ORC2: variants seen among roughly 807,000 people sequenced by gnomAD.
ORC2 encodes the protein origin recognition complex protein 2 homolog.
Under a neutral mutation model 77.7 loss-of-function variants are expected in ORC2, and 37 were observed. That is an observed-to-expected ratio of 0.48 (90% CI 0.37 to 0.63). ORC2 has a LOEUF of 0.63. Among genes scored for constraint, ORC2 ranks in the 20% least tolerant of loss-of-function variants. The pLI is 0.00. For synonymous variants in ORC2, 201 were observed against 229.5 expected (o/e 0.88, Z 1.12); for missense variants, 557 against 661.9 (o/e 0.84, Z 1.74).
At chr2:200,917,023 C>A (rs2040667440) in intron 15 of ORC2, among the ~76,000 whole-genome samples, 1 of 128,268 alleles carries the variant, frequency 7.8e-6, no homozygotes, top group South Asian at 2.4e-4. Flanking sequence ...GAGACAGAGT[C>A]TCACTCTGTT....
chr2:200,932,164 T>C (rs905665958), intron 10 of ORC2, among the ~76,000 whole-genome samples: 7 of 151,926 alleles, frequency 4.6e-5, no homozygotes, highest in Admixed American at 3.3e-4. Flanking sequence ...AATTGTTAAG[T>C]AGGTAGTTAA....
chr2:200,935,331 C>A (rs1423266845), intron 9 of ORC2, among the ~76,000 whole-genome samples: 1 of 152,146 alleles, frequency 6.6e-6, no homozygotes, highest in Non-Finnish European at 1.5e-5. Context: ...CCATGTTGGC[C>A]AGGCTGGTCT....
At position 200,942,734 on chromosome 2, in the gene ORC2, A is replaced by G. The variant is rs750425459; in HGVS notation, c.372T>C (p.Ser124=). 4 of 1,610,768 alleles carry G rather than the reference A, an allele frequency of 2.5e-6. No individual in the cohort carries two copies. The South Asian group carries it at 4.4e-5, about 18-fold the overall frequency. ...AKTPQKSVSF[S]LKNDPEITIN... ...TCGTAATCTCAGGATCATTCTTCAA[A>G]CTGAATGAAACACTTTTTTGTGGTG... The change falls in exon 6 of 18, where the codon AGT becomes AGC. Residue 124 remains serine, a synonymous_variant. Coordinates refer to ENST00000234296, the MANE Select transcript of ORC2 (RefSeq NM_006190.5).
intron 17 of ORC2, 130 bp downstream of exon 17, chr2:200,913,165 C>G: frequency 1.7e-6 from 1 of 601,104 alleles, no homozygotes; most frequent in Non-Finnish European, 2.7e-6. Context: ...GGCACATCCC[C>G]TAAATGAATC....
intron 2 of ORC2, among the ~76,000 whole-genome samples, 156 bp downstream of exon 2, chr2:200,959,236 C>T (rs1018985927): frequency 4.6e-5 from 7 of 152,138 alleles, no homozygotes; most frequent in Non-Finnish European, 1.0e-4. Flanking sequence ...TCCCACCTCA[C>T]CCTCCCAAAC....
intron 7 of ORC2, among the ~76,000 whole-genome samples, chr2:200,940,605 C>T (rs1042859920): frequency 2.6e-5 from 4 of 151,752 alleles, no homozygotes; most frequent in East Asian, 1.9e-4. Flanking sequence ...AGTTCAAGAC[C>T]GGCCTGGCCA....
At chr2:200,935,057 A>G (rs1220148955) in intron 9 of ORC2, among the ~76,000 whole-genome samples, 2 of 152,224 alleles carry the variant, frequency 1.3e-5, no homozygotes, top group Non-Finnish European at 2.9e-5. Flanking sequence ...TGTCCAATCA[A>G]TATTTACTTA....
Position 200,909,211 on chromosome 2 carries a change from CAG to C in ORC2, c.*2088_*2089del, listed in dbSNP as rs2040513742. The C allele has an allele frequency of 2.0e-5, 3 of 152,088 alleles. No homozygotes were observed. The South Asian group carries it at 6.2e-4, about 32-fold the overall frequency. 9.4% of individuals were successfully genotyped at this position (152,088 alleles called of 1,614,324 possible). Reference sequence around the variant, plus strand: ...AATTGTGTTTTTAAAAGGAGAAAGACAGATACTTTTACATATGCATAGACGAT... The same window carrying C: ...AATTGTGTTTTTAAAAGGAGAAAGACATACTTTTACATATGCATAGACGAT... On this transcript the variant is annotated 3_prime_UTR_variant, in exon 18 of 18. Coordinates refer to ENST00000234296, the MANE Select transcript of ORC2 (RefSeq NM_006190.5).
intron 4 of ORC2, among the ~76,000 whole-genome samples, chr2:200,953,249 A>C (rs564491917): frequency 3.3e-5 from 5 of 152,148 alleles, no homozygotes; most frequent in Non-Finnish European, 7.4e-5. Context: ...CAAACAATCC[A>C]AAAGTATAAT....
intron 1 of ORC2, among the ~76,000 whole-genome samples, chr2:200,961,297 C>T (rs1175057725): frequency 6.6e-6 from 1 of 152,068 alleles, no homozygotes; most frequent in African/African-American, 2.4e-5. Context: ...ACAGGTGGGA[C>T]TACAGGCGTG....
intron 15 of ORC2, among the ~76,000 whole-genome samples, chr2:200,916,702 A>T (rs973821955): frequency 6.6e-6 from 1 of 151,920 alleles, no homozygotes; most frequent in African/African-American, 2.4e-5. Context: ...CAATTTTTTT[A>T]TTTTATTTTA....
chr2:200,930,664 T>C (rs575176626), intron 11 of ORC2, among the ~76,000 whole-genome samples: 1 of 152,258 alleles, frequency 6.6e-6, no homozygotes, highest in Admixed American at 6.5e-5. Flanking sequence ...TAACTGTGAG[T>C]GTGCATGTAT....
At position 200,949,639 on chromosome 2, in the gene ORC2, T is replaced by G; in HGVS notation, c.243A>C (p.Ser81=). The G allele has an allele frequency of 6.3e-7, 1 of 1,579,562 alleles. No individual in the cohort carries two copies. Among genetic ancestry groups the G allele is most frequent in the Non-Finnish European group, 8.7e-7 (1 of 1,153,942 alleles). ...VEIMGRDVQE[S]LKNGSATGGG... is the part of the protein sequence containing the mutation. ...CACCTGTAGCAGAGCCATTTTTCAA[T>G]GATTCTGAAAGAAAAAAATGCAATA... Residue 81 remains serine (S), a synonymous_variant, in exon 5 of 18, where the codon TCA becomes TCC. Transcript: ENST00000234296.
At chr2:200,945,788 T>A (rs1277624379) in intron 5 of ORC2, among the ~76,000 whole-genome samples, 3 of 152,222 alleles carry the variant, frequency 2.0e-5, no homozygotes, top group African/African-American at 7.2e-5. Context: ...CTCATTTATA[T>A]TTATCTGCTC....
chr2:200,952,849 A>G (rs1575183263), intron 4 of ORC2, among the ~76,000 whole-genome samples: 1 of 151,670 alleles, frequency 6.6e-6, no homozygotes, highest in Non-Finnish European at 1.5e-5. Flanking sequence ...AATTGCTTAC[A>G]CCTCTAATCT....
At position 200,937,960 on chromosome 2, in the gene ORC2, C is replaced by T; in HGVS notation, c.460G>A (p.Asp154Asn). Residue 154 changes from aspartate to asparagine, a missense_variant, in exon 8 of 18, where the codon GAC (aspartate) becomes AAC (asparagine). Coordinates refer to ENST00000234296, the MANE Select transcript of ORC2 (RefSeq NM_006190.5). ...GCTGTTGACAGAAATTCACTTTTGT[C>T]ATTGTTCTGTTTAGAAATAGAAAAA... is the stretch of plus-strand genomic sequence containing the variant. Reference protein sequence around the residue: ...ASDKVQPKNNDKSEFLSTAPR... With the variant: ...ASDKVQPKNNNKSEFLSTAPR... 6.3e-7 allele frequency: 1 copy of T among 1,594,816 alleles called. No individual in the cohort carries two copies. Among genetic ancestry groups the T allele is most frequent in the Non-Finnish European group, 8.6e-7 (1 of 1,164,566 alleles).
chr2:200,915,316 T>A (rs991535712), intron 15 of ORC2, among the ~76,000 whole-genome samples: 3 of 151,284 alleles, frequency 2.0e-5, no homozygotes, highest in Non-Finnish European at 4.4e-5. Context: ...GTTTTTCTTT[T>A]CTTTTTTTTT....
At chr2:200,913,028 CAAAAG>C (rs769116664) in intron 17 of ORC2, among the ~76,000 whole-genome samples, 1 of 152,068 alleles carries the variant, frequency 6.6e-6, no homozygotes, top group African/African-American at 2.4e-5. Context: ...AGGGAAAAAA[CAAAAG>C]AACAGAATTA....
Position 200,957,491 on chromosome 2 carries a change from T to C in ORC2, c.148A>G (p.Ile50Val), listed in dbSNP as rs574792757. 2 of 1,611,558 alleles carry C rather than the reference T, an allele frequency of 1.2e-6. No individual in the cohort carries two copies. Among genetic ancestry groups the C allele is most frequent in the South Asian group, 2.2e-5 (2 of 90,758 alleles). ...TCCAAATCATATTCTGGCTTCTTTA[T>C]TATTTTTTTGGGGTTGACCAAAAGC... ...AQLLVNPKKI[I>V]KKPEYDLEED... is the part of the protein sequence containing the mutation. Residue 50 changes from isoleucine to valine, a missense_variant, in exon 4 of 18, where the codon ATA (isoleucine) becomes GTA (valine). By Grantham distance (29) the Ile-to-Val change is conservative. Coordinates refer to ENST00000234296, the MANE Select transcript of ORC2 (RefSeq NM_006190.5).
Sources: allele counts gnomAD v4.1 joint callset (sites outside exome capture counted in the v4.1 genomes callset), GRCh38; gene constraint gnomAD v4.1.1; transcripts MANE v1.5; gene names NCBI Gene and HGNC (gene_info 2026-07-23, HGNC 2026-07-21).